The following PMM2 variants were observed in gnomAD, a reference collection of about 807,000 sequenced individuals.
PMM2 encodes mannose-6-phosphate isomerase.
Under a neutral mutation model 33.2 loss-of-function variants are expected in PMM2, and 35 were observed. That is an observed-to-expected ratio of 1.06 (90% confidence interval 0.81 to 1.40). The LOEUF is 1.40. Among genes scored for constraint, PMM2 ranks in the 40% most tolerant of loss-of-function variants. The pLI, the probability that PMM2 is intolerant of heterozygous loss-of-function variation, is 0.00. For missense variants in PMM2, 386 were observed against 306.0 expected (o/e 1.26, Z -1.95); for synonymous variants, 153 against 114.7 (o/e 1.33, Z -2.13).
intron 7 of PMM2, among the ~76,000 whole-genome samples, chr16:8,833,526 G>A (rs1173055540): frequency 6.6e-6 from 1 of 151,796 alleles, no homozygotes; most frequent in East Asian, 1.9e-4. Flanking sequence ...TTGGGGCGGT[G>A]AAAATTTTTA....
intron 1 of PMM2, 37 bp from the exon 2 acceptor site, chr16:8,801,762 G>A: frequency 8.0e-7 from 1 of 1,245,458 alleles, no homozygotes; most frequent in East Asian, 2.5e-5. Context: ...ATTATTGTGT[G>A]GCTTATGACT....
chr16:8,845,766 T>C (rs541389297), intron 7 of PMM2, among the ~76,000 whole-genome samples: 1 of 151,602 alleles, frequency 6.6e-6, no homozygotes, highest in African/African-American at 2.4e-5. Context: ...TCTGTGACTT[T>C]TACCCACTGT....
intron 7 of PMM2, among the ~76,000 whole-genome samples, chr16:8,838,139 A>G (rs921567155): frequency 3.9e-5 from 6 of 152,032 alleles, no homozygotes; most frequent in Admixed American, 2.6e-4. Context: ...GTTAAGAGCA[A>G]TGTTTTGTGG....
chr16:8,830,426 A>C (rs965748374), intron 7 of PMM2, among the ~76,000 whole-genome samples: 6 of 152,184 alleles, frequency 3.9e-5, no homozygotes, highest in African/African-American at 1.4e-4. Flanking sequence ...GTCTCCAAGA[A>C]TTTGGGGATT....
At chr16:8,825,970 G>A (rs2060765460) in intron 7 of PMM2, among the ~76,000 whole-genome samples, 3 of 152,034 alleles carry the variant, frequency 2.0e-5, no homozygotes, top group Admixed American at 2.0e-4. Flanking sequence ...GGGCCAGGCT[G>A]GTTTCGAACT....
Position 8,846,247 on chromosome 16 carries a change from C to T in PMM2, c.640-1477C>T, listed in dbSNP as rs79692782. Among the ~76,000 whole-genome samples the T allele has an allele frequency of 1.9e-3, 288 of 152,306 alleles. 1 individual carries two copies. In the East Asian group the frequency reaches 0.021, roughly 11 times the overall value. ...AGGTTCTTGCAAAAATGAAAACACT[C>T]ATTTCCAGAGGCAATTAATTCTTTT... On this transcript the variant is annotated intron_variant, in intron 7 of 7. Coordinates refer to ENST00000268261, the MANE Select transcript of PMM2 (RefSeq NM_000303.3).
chr16:8,800,849 A>G (rs1022852826), intron 1 of PMM2, among the ~76,000 whole-genome samples: 30 of 152,114 alleles, frequency 2.0e-4, no homozygotes, highest in African/African-American at 7.0e-4. Flanking sequence ...GCGCCCGCCT[A>G]ATTTTTGTAT....
rs72766381 is a variant in PMM2, at chr16:8,849,185, C to T, written c.*1360C>T. 4,391 of 152,420 alleles carry T rather than the reference C, an allele frequency of 0.029. 86 individuals are homozygous for T. The highest frequency in any genetic ancestry group is 0.047 in the Non-Finnish European group (3,233 of 68,098). 9.4% of individuals were successfully genotyped at this position (152,420 alleles called of 1,614,324 possible). Reference sequence around the variant, plus strand: ...CACTCGGGCTTGTAACTGTCTGAGCCCCGGATCCGGTGGGGTGAAAGCAGC... The same window carrying T: ...CACTCGGGCTTGTAACTGTCTGAGCTCCGGATCCGGTGGGGTGAAAGCAGC... On this transcript the variant is annotated 3_prime_UTR_variant, in exon 8 of 8. Transcript: ENST00000268261.
At chr16:8,832,638 C>T (rs1596500112) in intron 7 of PMM2, 1 of 985,318 alleles carries the variant, frequency 1.0e-6, no homozygotes, top group Admixed American at 6.1e-5. Context: ...CTGCAGGAGC[C>T]TCCTAACTGC....
In PMM2 at chr16:8,812,976, G is replaced by A. The variant is rs770574770; in HGVS notation, c.524-15G>A. On this transcript the variant is annotated splice_polypyrimidine_tract_variant and intron_variant, in intron 6 of 7. Coordinates refer to ENST00000268261, the MANE Select transcript of PMM2 (RefSeq NM_000303.3). ...TTCACCTTTTGCCTTTGTGTGCCCC[G>A]TCCCCACCCGGCAGGAGGCCAGATC... 7.4e-6 allele frequency: 11 copies of A among 1,483,530 alleles called. No individual in the cohort carries two copies. The highest frequency in any genetic ancestry group is 3.4e-5 in the South Asian group (3 of 88,428). The allele number at this position is 1,483,530 out of a possible 1,614,324, so 91.9% of individuals were successfully genotyped here. A position where few individuals can be genotyped will look rare whatever the true frequency, so the allele number is the denominator to read the frequency against.
At chr16:8,802,038 A>T in intron 2 of PMM2, 128 bp downstream of exon 2, 1 of 696,062 alleles carries the variant, frequency 1.4e-6, no homozygotes, top group Non-Finnish European at 2.6e-6. Context: ...CTTTTTTGGG[A>T]AACATTTTCT....
intron 7 of PMM2, among the ~76,000 whole-genome samples, chr16:8,827,261 G>A (rs2060774145): frequency 1.3e-5 from 2 of 151,560 alleles, no homozygotes; most frequent in African/African-American, 4.8e-5. Context: ...CATTCAGAGT[G>A]GCAGGAAGAC....
At chr16:8,847,223 G>A (rs889742681) in intron 7 of PMM2, among the ~76,000 whole-genome samples, 1 of 152,096 alleles carries the variant, frequency 6.6e-6, no homozygotes, top group South Asian at 2.1e-4. Flanking sequence ...CATTGGCCAC[G>A]TTTCAAGTGT....
At chr16:8,806,006 AT>A (rs1044030839) in intron 3 of PMM2, among the ~76,000 whole-genome samples, 1 of 152,356 alleles carries the variant, frequency 6.6e-6, no homozygotes, top group African/African-American at 2.4e-5. Context: ...ATCTGGAGAT[AT>A]TTTAATTGAA....
intron 7 of PMM2, among the ~76,000 whole-genome samples, chr16:8,825,585 G>C (rs970776811): frequency 6.6e-6 from 1 of 152,028 alleles, no homozygotes; most frequent in African/African-American, 2.4e-5. Flanking sequence ...CTCCCAAAGC[G>C]CTGGGATTAC....
chr16:8,839,773 G>T (rs2060876917), intron 7 of PMM2, among the ~76,000 whole-genome samples: 1 of 151,916 alleles, frequency 6.6e-6, no homozygotes, highest in Admixed American at 6.6e-5. Context: ...GAAGGTGAAA[G>T]ATTACCTAGG....
intron 7 of PMM2, among the ~76,000 whole-genome samples, chr16:8,845,982 C>G (rs2060923363): frequency 6.6e-6 from 1 of 152,148 alleles, no homozygotes; most frequent in South Asian, 2.1e-4. Context: ...ACTGATTTCA[C>G]ATGTGTAGGT....
At chr16:8,842,599 TGTG>T (rs2060897487) in intron 7 of PMM2, among the ~76,000 whole-genome samples, 1 of 152,056 alleles carries the variant, frequency 6.6e-6, no homozygotes, top group African/African-American at 2.4e-5. Flanking sequence ...AATAGTGAGT[TGTG>T]GAGGAAGGTA....
chr16:8,838,747 C>T (rs1318219357), intron 7 of PMM2, among the ~76,000 whole-genome samples: 1 of 151,948 alleles, frequency 6.6e-6, no homozygotes, highest in African/African-American at 2.4e-5. Context: ...TTGGGAGGAC[C>T]TAGGACATCC....
Sources: allele counts gnomAD v4.1 joint callset (sites outside exome capture counted in the v4.1 genomes callset), GRCh38; gene constraint gnomAD v4.1.1; transcripts MANE v1.5; gene names NCBI Gene and HGNC (gene_info 2026-07-23, HGNC 2026-07-21).